Variants in FGF12 observed in about 807,000 individuals in gnomAD.
The protein encoded by FGF12 is fibroblast growth factor 12.
Under a neutral mutation model 23.6 loss-of-function variants are expected in FGF12, and 14 were observed. The observed-to-expected ratio is 0.59, with a 90% CI of 0.39 to 0.93. The LOEUF (loss-of-function observed/expected upper bound fraction) is 0.93, where lower values mean the gene tolerates loss of function less well. Ranked by LOEUF, FGF12 falls within the 40% of genes least tolerant of loss-of-function variation. FGF12 has a pLI of 0.00. For synonymous variants in FGF12, 62 were observed against 77.3 expected (o/e 0.80, Z 1.04); for missense variants, 175 against 217.8 (o/e 0.80, Z 1.24).
intron 2 of FGF12, among the ~76,000 whole-genome samples, chr3:192,405,967 A>G (rs763854367): frequency 6.6e-6 from 1 of 152,212 alleles, no homozygotes; most frequent in Non-Finnish European, 1.5e-5. Context: ...ATGTCTTAAT[A>G]GGTCCTGCCA....
intron 2 of FGF12, among the ~76,000 whole-genome samples, chr3:192,664,618 A>AAAAAAAC (rs1560186861): frequency 6.7e-6 from 1 of 148,650 alleles, no homozygotes; most frequent in Admixed American, 6.7e-5. Context: ...AAAAAAAAAA[A>AAAAAAAC]AGCTGGGCAT....
At chr3:192,656,833 T>C (rs1716445857) in intron 2 of FGF12, among the ~76,000 whole-genome samples, 1 of 152,186 alleles carries the variant, frequency 6.6e-6, no homozygotes, top group Admixed American at 6.5e-5. Context: ...TTCCAATGTA[T>C]TTTTTGTTCA....
chr3:192,315,606 A>C (rs1716187133), intron 4 of FGF12, among the ~76,000 whole-genome samples: 1 of 152,326 alleles, frequency 6.6e-6, no homozygotes, highest in Admixed American at 6.5e-5. Context: ...AAAAATAAGT[A>C]GCCAATACTT....
rs1427790561 is a variant in FGF12 at position 192,550,120 on chromosome 3, T to TATAATTACAC, written c.13+177051_13+177060dup. On this transcript the variant is annotated intron_variant, in intron 2 of 5. Transcript: ENST00000445105. The stretch of plus-strand genomic sequence containing the variant: ...GTGAGTGTGTATATATATATGTATA[T>TATAATTACAC]ATAATTACACATATAGAAAAAAGGA... Among the ~76,000 whole-genome samples, 5 of 151,746 alleles carry TATAATTACAC rather than the reference T, an allele frequency of 3.3e-5. No homozygotes were observed. In the East Asian group the frequency reaches 7.7e-4, roughly 23 times the overall value.
At chr3:192,528,526 T>G (rs1725009617) in intron 2 of FGF12, among the ~76,000 whole-genome samples, 1 of 152,166 alleles carries the variant, frequency 6.6e-6, no homozygotes. Flanking sequence ...TCTACCATTC[T>G]AGGGTCTGGA....
intron 2 of FGF12, among the ~76,000 whole-genome samples, chr3:192,665,483 C>T (rs1377316397): frequency 6.6e-6 from 1 of 151,608 alleles, no homozygotes; most frequent in Non-Finnish European, 1.5e-5. Context: ...AGTTGAAAAC[C>T]TTCATTCTCA....
At chr3:192,442,520 G>A (rs1722229906) in intron 2 of FGF12, among the ~76,000 whole-genome samples, 1 of 152,176 alleles carries the variant, frequency 6.6e-6, no homozygotes, top group South Asian at 2.1e-4. Context: ...ATCTGAAGAT[G>A]CCCAAACAAG....
At chr3:192,701,744 C>T (rs1021342987) in intron 2 of FGF12, among the ~76,000 whole-genome samples, 8 of 152,030 alleles carry the variant, frequency 5.3e-5, no homozygotes, top group Non-Finnish European at 1.2e-4. Context: ...TATTCATTAT[C>T]TGTAAAGTTA....
chr3:192,475,392 T>C (rs1322269705), intron 2 of FGF12, among the ~76,000 whole-genome samples: 1 of 152,086 alleles, frequency 6.6e-6, no homozygotes, highest in African/African-American at 2.4e-5. Context: ...CACAGAAAAG[T>C]GACATGCACA....
intron 4 of FGF12, among the ~76,000 whole-genome samples, chr3:192,215,163 C>T (rs1031533888): frequency 1.3e-5 from 2 of 152,218 alleles, no homozygotes; most frequent in Non-Finnish European, 2.9e-5. Flanking sequence ...TCACAATTCC[C>T]TCTGCTGAAT....
At chr3:192,696,255 C>G (rs1718121070) in intron 2 of FGF12, among the ~76,000 whole-genome samples, 1 of 150,660 alleles carries the variant, frequency 6.6e-6, no homozygotes. Flanking sequence ...TTGTCTTGTT[C>G]TGAATTCTTA....
At chr3:192,444,104 G>A (rs1349515579) in intron 2 of FGF12, among the ~76,000 whole-genome samples, 1 of 152,148 alleles carries the variant, frequency 6.6e-6, no homozygotes, top group African/African-American at 2.4e-5. Flanking sequence ...CGAGTTGATT[G>A]TGAGGAAGAA....
chr3:192,437,777 C>T (rs1407677840), intron 2 of FGF12, among the ~76,000 whole-genome samples: 2 of 152,042 alleles, frequency 1.3e-5, no homozygotes, highest in Non-Finnish European at 2.9e-5. Flanking sequence ...AAATCTATTC[C>T]TTCAGTCTCT....
At chr3:192,432,149 C>T (rs1003073066) in intron 2 of FGF12, among the ~76,000 whole-genome samples, 2 of 152,000 alleles carry the variant, frequency 1.3e-5, no homozygotes, top group African/African-American at 4.8e-5. Flanking sequence ...CAGTTATGTC[C>T]CAGGAGCTGT....
intron 2 of FGF12, among the ~76,000 whole-genome samples, chr3:192,682,931 G>A (rs577468757): frequency 1.0e-3 from 157 of 152,308 alleles, no homozygotes; most frequent in Non-Finnish European, 1.9e-3. Flanking sequence ...TTCCTTGTTG[G>A]GGAATGTATC....
At chr3:192,245,003 T>C (rs2108598905) in intron 4 of FGF12, 2 of 152,260 alleles carry the variant, frequency 1.3e-5, no homozygotes, top group Middle Eastern at 3.4e-3. Flanking sequence ...TGATACTCTT[T>C]TCTTTTAAGT....
intron 4 of FGF12, among the ~76,000 whole-genome samples, chr3:192,311,202 T>G (rs1000511670): frequency 6.6e-6 from 1 of 152,180 alleles, no homozygotes; most frequent in African/African-American, 2.4e-5. Context: ...AAATGGTATT[T>G]AATATATTCA....
intron 2 of FGF12, among the ~76,000 whole-genome samples, chr3:192,470,464 C>A (rs559703217): frequency 5.3e-5 from 8 of 152,300 alleles, no homozygotes; most frequent in African/African-American, 1.7e-4. Flanking sequence ...TCTTGGCTCA[C>A]CGCAACCTCT....
Position 192,170,551 on chromosome 3 carries a change from A to T in FGF12, c.334T>A (p.Phe112Ile). The change falls in exon 5 of 6, where the codon TTT (phenylalanine) becomes ATT (isoleucine). Residue 112 changes from phenylalanine (F) to isoleucine (I), a missense_variant. By Grantham distance (21) the Phe-to-Ile change is conservative. Transcript: ENST00000445105. ...YRQQESGRAW[F>I]LGLNKEGQIM... ...TGACCTTCTTTATTGAGTCCCAGAA[A>T]CCAAGCTCGGCCTGATTCTTGCTGG... The T allele has an allele frequency of 6.2e-7, 1 of 1,614,038 alleles. No individual in the cohort carries two copies.
Sources: allele counts gnomAD v4.1 joint callset (sites outside exome capture counted in the v4.1 genomes callset), GRCh38; gene constraint gnomAD v4.1.1; transcripts MANE v1.5; gene names NCBI Gene and HGNC (gene_info 2026-07-23, HGNC 2026-07-21).